ETAA1: variants seen among roughly 807,000 people sequenced by gnomAD.
ETAA1 encodes the protein ewing's tumor-associated antigen 1.
A neutral mutation model predicts 76.8 loss-of-function variants in ETAA1; 49 were observed. The ratio of observed to expected loss-of-function variants is 0.64; its 90% CI spans 0.51 to 0.81. The LOEUF (loss-of-function observed/expected upper bound fraction) is 0.81. ETAA1 is among the 30% of genes least tolerant of loss of function. ETAA1 has a pLI of 0.00. For missense variants in ETAA1, 1,099 were observed against 1,074.0 expected (o/e 1.02, Z -0.32); for synonymous variants, 373 against 372.2 (o/e 1.00, Z -0.03).
intron 1 of ETAA1, among the ~76,000 whole-genome samples, chr2:67,398,638 G>A (rs1160062239): frequency 6.6e-6 from 1 of 152,088 alleles, no homozygotes; most frequent in African/African-American, 2.4e-5. Context: ...CACCTTACAT[G>A]TCTTTAATAA....
intron 1 of ETAA1, 92 bp from the exon 2 acceptor site, chr2:67,399,077 A>C: frequency 8.8e-7 from 1 of 1,130,720 alleles, no homozygotes; most frequent in Non-Finnish European, 1.2e-6. Flanking sequence ...TGGACTATAA[A>C]AGTTAGTCTC....
chr2:67,400,780 T>G (rs1392478355), intron 3 of ETAA1: 1 of 152,180 alleles, frequency 6.6e-6, no homozygotes, highest in African/African-American at 2.4e-5. Context: ...TTTGAAGAAT[T>G]ACTGTCACCC....
At position 67,397,429 on chromosome 2, in the gene ETAA1, G is replaced by A; in HGVS notation, c.-20G>A. 6.4e-7 allele frequency: 1 copy of A among 1,574,710 alleles called. No homozygotes were observed. Among genetic ancestry groups the A allele is most frequent in the Non-Finnish European group, 8.6e-7 (1 of 1,159,814 alleles). On this transcript the variant is annotated 5_prime_UTR_variant, in exon 1 of 6. The change creates a new upstream start codon in the 5' untranslated region. Transcript: ENST00000272342. ...CAAAATGTGAAAGAAGAAGCGGCTG[G>A]TGGAGGCGGGCCATAGGCAATGAGT...
chr2:67,400,486 T>G (rs997058175), intron 3 of ETAA1: 2 of 152,122 alleles, frequency 1.3e-5, no homozygotes, highest in African/African-American at 4.8e-5. Context: ...ATTTCTGTTC[T>G]TTTATTGTTT....
Position 67,397,479 on chromosome 2 carries a change from C to G in ETAA1, c.31C>G (p.Pro11Ala). MSRRRKHDDS[P>A]SPKKTPHKTV... The stretch of plus-strand genomic sequence containing the variant: ...TCGGCGAAGGAAACATGATGACAGC[C>G]CTAGCCCGAAGAAAACGCCGCACAA... Residue 11 changes from proline to alanine, a missense_variant, in exon 1 of 6, where the codon CCT becomes GCT. This residue lies in a region of ETAA1 where 761 missense variants were observed against 731.9 expected (regional missense o/e 1.04). Coordinates refer to ENST00000272342, the MANE Select transcript of ETAA1 (RefSeq NM_019002.4). The G allele has an allele frequency of 6.2e-7, 1 of 1,602,734 alleles. No homozygotes were observed. The highest frequency in any genetic ancestry group is 8.5e-7 in the Non-Finnish European group (1 of 1,174,650).
chr2:67,397,739 G>A, intron 1 of ETAA1, 68 bp downstream of exon 1: 1 of 1,440,568 alleles, frequency 6.9e-7, no homozygotes. Context: ...CTTGCAACAG[G>A]GAAATCTGGG....
intron 5 of ETAA1, among the ~76,000 whole-genome samples, chr2:67,407,939 G>T (rs530337928): frequency 6.6e-6 from 1 of 152,034 alleles, no homozygotes; most frequent in African/African-American, 2.4e-5. Context: ...TGTTGTTCAA[G>T]GGTCAACTAT....
In ETAA1 at chr2:67,397,539, G is replaced by A. The variant is rs1432766010; in HGVS notation, c.91G>A (p.Glu31Lys). The change falls in exon 1 of 6, where the codon GAG (glutamate) becomes AAG (lysine). Residue 31 changes from glutamate to lysine, a missense_variant. Transcript: ENST00000272342. ...GGCGGAGGAATGCGGCTCGGTGGTC[G>A]AGCCAGGGAGGAGGCGGCTGAGATC... ...VAAEECGSVV[E>K]PGRRRLRSAR... is the part of the protein sequence containing the mutation. 2.5e-6 allele frequency: 4 copies of A among 1,583,494 alleles called. No individual in the cohort carries two copies. The highest frequency in any genetic ancestry group is 2.6e-6 in the Non-Finnish European group (3 of 1,165,072).
chr2:67,397,443 T>C lies in ETAA1; in HGVS notation c.-6T>C, dbSNP rs763852108. The C allele has an allele frequency of 5.7e-6, 9 of 1,586,470 alleles. No homozygotes were observed. In the East Asian group the frequency reaches 1.6e-4, roughly 28 times the overall value. On this transcript the variant is annotated 5_prime_UTR_variant, in exon 1 of 6. Transcript: ENST00000272342. ...AGAAGCGGCTGGTGGAGGCGGGCCA[T>C]AGGCAATGAGTCGGCGAAGGAAACA...
chr2:67,406,087 C>T (rs958477621), intron 5 of ETAA1, among the ~76,000 whole-genome samples: 6 of 152,048 alleles, frequency 3.9e-5, no homozygotes, highest in African/African-American at 9.7e-5. Flanking sequence ...ATGCTTAAAA[C>T]AACCTTCAAT....
At position 67,409,902 on chromosome 2, in the gene ETAA1, A is replaced by C; in HGVS notation, c.2654-9A>C. 1 of 1,583,386 alleles carries C rather than the reference A, an allele frequency of 6.3e-7. No homozygotes were observed. Among genetic ancestry groups the C allele is most frequent in the Non-Finnish European group, 8.5e-7 (1 of 1,171,138 alleles). On this transcript the variant is annotated splice_polypyrimidine_tract_variant and intron_variant, in intron 5 of 5. Coordinates refer to ENST00000272342, the MANE Select transcript of ETAA1 (RefSeq NM_019002.4). ...TAAAAGTAAAACTCATCTTTTGTTGAATTTTTAGAGGAAGAAGAGAAAAAT... is the reference window on the plus strand; with the variant it reads ...TAAAAGTAAAACTCATCTTTTGTTGCATTTTTAGAGGAAGAAGAGAAAAAT...
chr2:67,403,526 T>A lies in ETAA1; in HGVS notation c.844T>A (p.Phe282Ile). ...KPFDQIAEAA[F>I]NAIFDGSTQK... ...ATTTGACCAAATTGCTGAAGCAGCCTTTAATGCTATTTTTGATGGTTCTAC... is the reference window on the plus strand; with the variant it reads ...ATTTGACCAAATTGCTGAAGCAGCCATTAATGCTATTTTTGATGGTTCTAC... Residue 282 changes from phenylalanine to isoleucine, a missense_variant, in exon 5 of 6, where the codon TTT (phenylalanine) becomes ATT (isoleucine). By Grantham distance (21) the Phe-to-Ile change is conservative. This residue lies in a region of ETAA1 where 761 missense variants were observed against 731.9 expected (regional missense o/e 1.04). Transcript: ENST00000272342. 2 of 1,613,538 alleles carry A rather than the reference T, an allele frequency of 1.2e-6. No individual in the cohort carries two copies. Among genetic ancestry groups the A allele is most frequent in the Non-Finnish European group, 1.7e-6 (2 of 1,179,490 alleles).
Position 67,397,591 on chromosome 2 carries a change from C to A in ETAA1, c.143C>A (p.Ala48Asp). ...GCCCGCGGTTCGTGGCCCTGCGGGG[C>A]TAGAGAGGGGCCTCCCGGGCCAGTG... ...RSARGSWPCG[A>D]REGPPGPVRQ... is the part of the protein sequence containing the mutation. Residue 48 changes from alanine to aspartate, a missense_variant, in exon 1 of 6, where the codon GCT (alanine) becomes GAT (aspartate). By Grantham distance (126) the Ala-to-Asp change is moderately radical. Transcript: ENST00000272342. 1 of 1,554,262 alleles carries A rather than the reference C, an allele frequency of 6.4e-7. No individual in the cohort carries two copies. The highest frequency in any genetic ancestry group is 1.4e-5 in the African/African-American group (1 of 73,356).
In ETAA1 at chr2:67,397,557, C is replaced by T. The variant is rs770958792; in HGVS notation, c.109C>T (p.Leu37=). The change falls in exon 1 of 6, where the codon CTG becomes TTG. Residue 37 remains leucine (L), a synonymous_variant. Coordinates refer to ENST00000272342, the MANE Select transcript of ETAA1 (RefSeq NM_019002.4). ...GSVVEPGRRR[L]RSARGSWPCG... is the part of the protein sequence containing the mutation. ...GGTGGTCGAGCCAGGGAGGAGGCGG[C>T]TGAGATCGGCCCGCGGTTCGTGGCC... 3.2e-6 allele frequency: 5 copies of T among 1,572,398 alleles called. No homozygotes were observed. The highest frequency in any genetic ancestry group is 4.3e-6 in the Non-Finnish European group (5 of 1,159,146).
At position 67,410,039 on chromosome 2, in the gene ETAA1, T is replaced by C. The variant is rs750061608; in HGVS notation, c.*1T>C. ...TGCAGCTCCCACTTCATTTCTTTAA[T>C]GAAATATTAGTTGGAAGACTTCACG... On this transcript the variant is annotated 3_prime_UTR_variant, in exon 6 of 6. Coordinates refer to ENST00000272342, the MANE Select transcript of ETAA1 (RefSeq NM_019002.4). The C allele has an allele frequency of 6.0e-5, 96 of 1,600,190 alleles. No individual in the cohort carries two copies. The highest frequency in any genetic ancestry group is 6.5e-5 in the Non-Finnish European group (77 of 1,175,958).
Position 67,404,656 on chromosome 2 carries a change from C to T in ETAA1, c.1974C>T (p.Asp658=). The change falls in exon 5 of 6, where the codon GAC becomes GAT. Residue 658 remains aspartate (D), a synonymous_variant. Coordinates refer to ENST00000272342, the MANE Select transcript of ETAA1 (RefSeq NM_019002.4). ...KLTQQQDIRK[D]SKTSESICEI... is the part of the protein sequence containing the mutation. ...CTCAGCAACAAGACATTAGAAAGGA[C>T]AGTAAGACATCAGAAAGTATATGTG... The T allele has an allele frequency of 6.2e-7, 1 of 1,613,176 alleles. No individual in the cohort carries two copies. Among genetic ancestry groups the T allele is most frequent in the Non-Finnish European group, 8.5e-7 (1 of 1,179,506 alleles).
At position 67,407,938 on chromosome 2, in the gene ETAA1, A is replaced by G. The variant is rs1382125061; in HGVS notation, c.2654-1973A>G. ...TGCCAGTTCAAGCCCATGTTGTTCA[A>G]GGGTCAACTATAGTTATAATTCTAT... On this transcript the variant is annotated intron_variant, in intron 5 of 5. Coordinates refer to ENST00000272342, the MANE Select transcript of ETAA1 (RefSeq NM_019002.4). Among the ~76,000 whole-genome samples the G allele has an allele frequency of 2.6e-5, 4 of 152,052 alleles. No individual in the cohort carries two copies. The East Asian group carries it at 5.8e-4, about 22-fold the overall frequency.
In ETAA1 at chr2:67,409,943, G is replaced by C. The variant is rs541916274; in HGVS notation, c.2686G>C (p.Glu896Gln). ...EEEKNRKCSP[E>Q]EIQRKRQEAL... Reference sequence around the variant, plus strand: ...AGAGAAAAATAGAAAGTGTTCTCCTGAAGAAATTCAGAGAAAAAGACAAGA... The same window carrying C: ...AGAGAAAAATAGAAAGTGTTCTCCTCAAGAAATTCAGAGAAAAAGACAAGA... Residue 896 changes from glutamate (E) to glutamine (Q), a missense_variant, in exon 6 of 6, where the codon GAA becomes CAA. Physicochemically the swap from Glu to Gln is conservative, Grantham distance 29. Coordinates refer to ENST00000272342, the MANE Select transcript of ETAA1 (RefSeq NM_019002.4). The C allele has an allele frequency of 8.3e-5, 133 of 1,606,524 alleles. 1 individual carries two copies. In the South Asian group the frequency reaches 1.1e-3, roughly 14 times the overall value.
rs947421649 is a variant in ETAA1 at position 67,397,686 on chromosome 2, G to C, written c.223+15G>C. The C allele has an allele frequency of 1.3e-6, 2 of 1,544,370 alleles. No homozygotes were observed. Among genetic ancestry groups the C allele is most frequent in the African/African-American group, 1.4e-5 (1 of 73,108 alleles). On this transcript the variant is annotated intron_variant, in intron 1 of 5. Transcript: ENST00000272342. ...TAACCCCGAGGGTGAGACGTCGGCA[G>C]CGCGGCCTGCCTTGGCTTCGGCGCC...
Sources: allele counts gnomAD v4.1 joint callset (sites outside exome capture counted in the v4.1 genomes callset), GRCh38; gene constraint gnomAD v4.1.1; regional missense constraint gnomAD v4.1.1; transcripts MANE v1.5; gene names NCBI Gene and HGNC (gene_info 2026-07-23, HGNC 2026-07-21).